Variants in TMEM192 observed in about 807,000 individuals in gnomAD.
TMEM192 encodes transmembrane protein 192.
A neutral mutation model predicts 26.7 loss-of-function variants in TMEM192; 20 were observed. That is an observed-to-expected ratio of 0.75 (90% CI 0.53 to 1.09). The LOEUF is 1.09. Ranked by LOEUF, TMEM192 falls within the 50% of genes least tolerant of loss-of-function variation. TMEM192 has a pLI of 0.00. For synonymous variants in TMEM192, 124 were observed against 121.0 expected (o/e 1.02, Z -0.16); for missense variants, 304 against 322.6 (o/e 0.94, Z 0.44).
At chr4:165,091,877 G>T (rs913427724) in intron 3 of TMEM192, among the ~76,000 whole-genome samples, 1 of 152,118 alleles carries the variant, frequency 6.6e-6, no homozygotes, top group Non-Finnish European at 1.5e-5. Context: ...GAAACAAAAA[G>T]TTTCCATTAG....
chr4:165,112,643 C>T, intron 1 of TMEM192, 104 bp downstream of exon 1: 1 of 1,518,660 alleles, frequency 6.6e-7, no homozygotes, highest in Non-Finnish European at 8.9e-7. Context: ...GCCGCGGCCG[C>T]AGTCGCCAAG....
rs1002858719 is a variant in TMEM192 at position 165,076,155 on chromosome 4, T to A, written c.*3503A>T. On this transcript the variant is annotated 3_prime_UTR_variant, in exon 6 of 6. Transcript: ENST00000306480. ...AAAAAATGAGCTTTTAACTTTATAA[T>A]AAGTCATGATACTGTTGTCATTTGG... 6.6e-6 allele frequency: 1 copy of A among 152,212 alleles called. No individual in the cohort carries two copies. The highest frequency in any genetic ancestry group is 2.4e-5 in the African/African-American group (1 of 41,458). The allele number at this position is 152,212 out of a possible 1,614,324, so 9.4% of individuals were successfully genotyped here. A position where few individuals can be genotyped will look rare whatever the true frequency, so the allele number is the denominator to read the frequency against.
rs1318537380 is a variant in TMEM192 at position 165,073,622 on chromosome 4, G to C, written c.*6036C>G. On this transcript the variant is annotated 3_prime_UTR_variant, in exon 6 of 6. Transcript: ENST00000306480. The stretch of plus-strand genomic sequence containing the variant: ...CAGTTGAGATAAGAGGAAGGCTTCT[G>C]TCTCCTGCTCGTCCCTGGGAATGGA... 6.6e-6 allele frequency: 1 copy of C among 151,956 alleles called. No homozygotes were observed. Among genetic ancestry groups the C allele is most frequent in the African/African-American group, 2.4e-5 (1 of 41,312 alleles). The allele number at this position is 151,956 out of a possible 1,614,324, so 9.4% of individuals were successfully genotyped here.
At chr4:165,085,309 A>G (rs1734586397) in intron 5 of TMEM192, among the ~76,000 whole-genome samples, 1 of 151,350 alleles carries the variant, frequency 6.6e-6, no homozygotes, top group Non-Finnish European at 1.5e-5. Flanking sequence ...CTATAAAAAA[A>G]GGTGCTTCAA....
rs1392911188 is a variant in TMEM192, at chr4:165,079,657, C to T, written c.*1G>A. On this transcript the variant is annotated 3_prime_UTR_variant, in exon 6 of 6. Coordinates refer to ENST00000306480, the MANE Select transcript of TMEM192 (RefSeq NM_001100389.2). The stretch of plus-strand genomic sequence containing the variant: ...CAATTGCTGTCATGACCGTGAGCCT[C>T]TCACGTTCTACTTGGCTGACAGCCC... 6.2e-7 allele frequency: 1 copy of T among 1,609,120 alleles called. No individual in the cohort carries two copies. Among genetic ancestry groups the T allele is most frequent in the East Asian group, 2.2e-5 (1 of 44,488 alleles).
In TMEM192 at chr4:165,076,685, T is replaced by C. The variant is rs527506421; in HGVS notation, c.*2973A>G. 2 of 152,396 alleles carry C rather than the reference T, an allele frequency of 1.3e-5. No homozygotes were observed. Among genetic ancestry groups the C allele is most frequent in the East Asian group, 3.9e-4 (2 of 5,194 alleles). 9.4% of individuals were successfully genotyped at this position (152,396 alleles called of 1,614,324 possible). A position where few individuals can be genotyped will look rare whatever the true frequency, so the allele number is the denominator to read the frequency against. On this transcript the variant is annotated 3_prime_UTR_variant, in exon 6 of 6. Coordinates refer to ENST00000306480, the MANE Select transcript of TMEM192 (RefSeq NM_001100389.2). ...CTGGAAATCTATTCCTCGCTCTCTT[T>C]AGAATGTAAGCTGCCAACCAGAGTC...
intron 3 of TMEM192, among the ~76,000 whole-genome samples, chr4:165,093,623 CT>C (rs1734823944): frequency 6.6e-6 from 1 of 152,186 alleles, no homozygotes; most frequent in African/African-American, 2.4e-5. Context: ...TGTACAATAT[CT>C]TAGTTCAGAT....
In TMEM192 at chr4:165,101,027, AGTGCAGTGG is replaced by A. The variant is rs1412108115; in HGVS notation, c.175-144_175-136del. On this transcript the variant is annotated intron_variant, in intron 2 of 5. Coordinates refer to ENST00000306480, the MANE Select transcript of TMEM192 (RefSeq NM_001100389.2). The stretch of plus-strand genomic sequence containing the variant: ...AGTCTCACTCTGTCGCCCAGGCTGG[AGTGCAGTGG>A]CGCAATCTCGGCTTACTGCAAGCTC... 3.2e-6 allele frequency: 3 copies of A among 945,626 alleles called. No individual in the cohort carries two copies. The Admixed American group carries it at 1.1e-4, about 36-fold the overall frequency. The allele number at this position is 945,626 out of a possible 1,614,324, so 58.6% of individuals were successfully genotyped here. A position where few individuals can be genotyped will look rare whatever the true frequency, so the allele number is the denominator to read the frequency against.
In TMEM192 at chr4:165,112,836, C is replaced by G; in HGVS notation, c.-63G>C. The G allele has an allele frequency of 6.3e-7, 1 of 1,577,786 alleles. No individual in the cohort carries two copies. The highest frequency in any genetic ancestry group is 8.6e-7 in the Non-Finnish European group (1 of 1,167,398). On this transcript the variant is annotated 5_prime_UTR_variant, in exon 1 of 6. Transcript: ENST00000306480. The stretch of plus-strand genomic sequence containing the variant: ...CCTCTCCACCTGGACCTGTAAGCCT[C>G]TGGCCGCGAAACTCGCCACCTTCTG...
At chr4:165,089,144 T>C (rs1443464942) in intron 3 of TMEM192, among the ~76,000 whole-genome samples, 1 of 150,888 alleles carries the variant, frequency 6.6e-6, no homozygotes, top group Non-Finnish European at 1.5e-5. Context: ...TGTAGAAATG[T>C]GAGTGGACAA....
At chr4:165,109,713 A>T (rs1455301453) in intron 1 of TMEM192, among the ~76,000 whole-genome samples, 1 of 152,206 alleles carries the variant, frequency 6.6e-6, no homozygotes, top group African/African-American at 2.4e-5. Flanking sequence ...TCACTATAAG[A>T]CAATAATCTA....
At chr4:165,095,674 G>A (rs981356798) in intron 3 of TMEM192, among the ~76,000 whole-genome samples, 2 of 152,172 alleles carry the variant, frequency 1.3e-5, no homozygotes, top group Non-Finnish European at 2.9e-5. Context: ...CCCACATGAT[G>A]GGTTGAAAAT....
At chr4:165,088,288 G>C (rs559497677) in intron 4 of TMEM192, among the ~76,000 whole-genome samples, 180 bp downstream of exon 4, 10 of 152,292 alleles carry the variant, frequency 6.6e-5, no homozygotes, top group African/African-American at 2.4e-4. Flanking sequence ...AATCTTAAAA[G>C]AATGGGGTCT....
intron 3 of TMEM192, among the ~76,000 whole-genome samples, chr4:165,094,180 C>T (rs920131757): frequency 1.5e-4 from 23 of 151,798 alleles, no homozygotes; most frequent in African/African-American, 5.6e-4. Flanking sequence ...GGATTACAGG[C>T]GTGAGCCACA....
intron 5 of TMEM192, among the ~76,000 whole-genome samples, chr4:165,084,575 G>A (rs1011161192): frequency 6.6e-6 from 1 of 151,808 alleles, no homozygotes; most frequent in Non-Finnish European, 1.5e-5. Flanking sequence ...GGAATAACTC[G>A]TGTCCCAGAT....
chr4:165,093,943 A>G (rs1234253121), intron 3 of TMEM192, among the ~76,000 whole-genome samples: 1 of 151,938 alleles, frequency 6.6e-6, no homozygotes, highest in Non-Finnish European at 1.5e-5. Context: ...CTTGTTGCCC[A>G]GTTGGGAGTG....
rs1734359888 is a variant in TMEM192, at chr4:165,075,625, A to C, written c.*4033T>G. 1 of 148,492 alleles carries C rather than the reference A, an allele frequency of 6.7e-6. No individual in the cohort carries two copies. The highest frequency in any genetic ancestry group is 1.5e-5 in the Non-Finnish European group (1 of 67,446). The allele number at this position is 148,492 out of a possible 1,614,324, so 9.2% of individuals were successfully genotyped here. A position where few individuals can be genotyped will look rare whatever the true frequency, so the allele number is the denominator to read the frequency against. On this transcript the variant is annotated 3_prime_UTR_variant, in exon 6 of 6. Coordinates refer to ENST00000306480, the MANE Select transcript of TMEM192 (RefSeq NM_001100389.2). ...TGCTCTGTGGCCCAGGCTAGAGTACAGTGGCGTGATCTTGCCTCACTGCAA... is the reference window on the plus strand; with the variant it reads ...TGCTCTGTGGCCCAGGCTAGAGTACCGTGGCGTGATCTTGCCTCACTGCAA...
At chr4:165,087,188 A>C (rs948721028) in intron 4 of TMEM192, among the ~76,000 whole-genome samples, 2 of 151,990 alleles carry the variant, frequency 1.3e-5, no homozygotes, top group African/African-American at 2.4e-5. Context: ...CTATTAGAAA[A>C]CTCTGGGCAG....
chr4:165,112,737 G>T lies in TMEM192; in HGVS notation c.27+10C>A. 6.2e-7 allele frequency: 1 copy of T among 1,609,096 alleles called. No homozygotes were observed. ...CCGGGGCCAACCGCCCGCCGCCTCC[G>T]TGCACTCACGTCCTCCATCCTGCCC... On this transcript the variant is annotated intron_variant, in intron 1 of 5. Coordinates refer to ENST00000306480, the MANE Select transcript of TMEM192 (RefSeq NM_001100389.2).
Sources: gnomAD v4.1 joint callset for allele counts (sites outside exome capture counted in the v4.1 genomes callset) on GRCh38, gnomAD v4.1.1 for gene constraint, MANE v1.5 for transcripts, NCBI Gene and HGNC (gene_info 2026-07-23, HGNC 2026-07-21) for gene names.